Variants in NCOA4 observed in about 807,000 individuals in gnomAD.
NCOA4 encodes nuclear receptor coactivator 4, also known as 70 kDa AR-activator.
Under a neutral mutation model 69.5 loss-of-function variants are expected in NCOA4, and 31 were observed. The observed-to-expected ratio is 0.45, with a 90% CI of 0.34 to 0.60. The LOEUF (loss-of-function observed/expected upper bound fraction) is 0.60. NCOA4 is among the 20% of genes least tolerant of loss of function. NCOA4 has a pLI of 0.02. For missense variants in NCOA4, 600 were observed against 719.2 expected (o/e 0.83, Z 1.90); for synonymous variants, 228 against 252.4 (o/e 0.90, Z 0.92).
At chr10:46,016,065 T>C (rs1162371653) in intron 2 of NCOA4, among the ~76,000 whole-genome samples, 1 of 152,140 alleles carries the variant, frequency 6.6e-6, no homozygotes. Context: ...AACAACAAAA[T>C]ACTACTGGAA....
chr10:46,030,079 G>A (rs781844256), intron 1 of NCOA4, among the ~76,000 whole-genome samples: 1 of 152,190 alleles, frequency 6.6e-6, no homozygotes, highest in South Asian at 2.1e-4. Flanking sequence ...TTCTGTGCCC[G>A]TCCGGCAAAA....
rs376942359 is a variant in NCOA4, at chr10:46,009,498, A to G, written c.1752T>C (p.His584=). 65 of 1,611,388 alleles carry G rather than the reference A, an allele frequency of 4.0e-5. No homozygotes were observed. Among genetic ancestry groups the G allele is most frequent in the Non-Finnish European group, 5.0e-5 (59 of 1,179,278 alleles). Residue 584 remains histidine, a synonymous_variant, in exon 9 of 10, where the codon CAT becomes CAC. Coordinates refer to ENST00000581486, the MANE Select transcript of NCOA4 (RefSeq NM_001145263.2). ...GATCACAAACTGCAGGGAGGCCATA[A>G]TGGTCTGGGGGGAAGTTATGTTCCT... The part of the protein sequence containing the change: ...LQEEHNFPPD[H]YGLPAVCDLF...
chr10:46,006,712 AT>A, intron 9 of NCOA4, 115 bp from the exon 10 acceptor site: 2 of 970,372 alleles, frequency 2.1e-6, no homozygotes, highest in Non-Finnish European at 3.3e-6. Context: ...GTTACATTGT[AT>A]TTTTTACAAA....
Position 46,010,336 on chromosome 10 carries a change from T to A in NCOA4, c.1585A>T (p.Thr529Ser). The A allele has an allele frequency of 6.2e-7, 1 of 1,614,140 alleles. No homozygotes were observed. The highest frequency in any genetic ancestry group is 1.1e-5 in the South Asian group (1 of 91,086). ...GCTGTGTTAAAGGAACACCAGGAAG[T>A]ATTCATGGGGCTTTTAAACTTCTGT... is the stretch of plus-strand genomic sequence containing the variant. ...GKQKFKSPMNTSWCSFNTADW... is the reference protein window; with the variant it reads ...GKQKFKSPMNSSWCSFNTADW... The change falls in exon 8 of 10, where the codon ACT becomes TCT. Residue 529 changes from threonine (T) to serine (S), a missense_variant. Physicochemically the swap from Thr to Ser is moderately conservative, Grantham distance 58. Coordinates refer to ENST00000581486, the MANE Select transcript of NCOA4 (RefSeq NM_001145263.2).
At position 46,009,493 on chromosome 10, in the gene NCOA4, C is replaced by A. The variant is rs1590150372; in HGVS notation, c.1757G>T (p.Gly586Val). 6.2e-7 allele frequency: 1 copy of A among 1,611,264 alleles called. No individual in the cohort carries two copies. The highest frequency in any genetic ancestry group is 1.3e-5 in the African/African-American group (1 of 74,820). The change falls in exon 9 of 10, where the codon GGC (glycine) becomes GTC (valine). Residue 586 changes from glycine (G) to valine (V), a missense_variant. Coordinates refer to ENST00000581486, the MANE Select transcript of NCOA4 (RefSeq NM_001145263.2). ...EEHNFPPDHY[G>V]LPAVCDLFAC... ...AAAGAGATCACAAACTGCAGGGAGG[C>A]CATAATGGTCTGGGGGGAAGTTATG...
At chr10:46,007,494 T>G (rs1838900780) in intron 9 of NCOA4, among the ~76,000 whole-genome samples, 1 of 151,896 alleles carries the variant, frequency 6.6e-6, no homozygotes, top group African/African-American at 2.4e-5. Flanking sequence ...AGTAGTCATC[T>G]AGAACTGATA....
Position 46,016,672 on chromosome 10 carries a change from G to A in NCOA4, c.9C>T (p.Thr3=). Residue 3 remains threonine, a synonymous_variant, in exon 2 of 10, where the codon ACC becomes ACT. Transcript: ENST00000581486. MN[T]FQDQSGSSSN... ...TGGAGCTGCCACTCTGGTCTTGGAA[G>A]GTATTCATTCTCCTCACTGCTCCTT... The A allele has an allele frequency of 6.7e-7, 1 of 1,493,454 alleles. No homozygotes were observed. The highest frequency in any genetic ancestry group is 1.4e-5 in the South Asian group (1 of 70,410). The allele number at this position is 1,493,454 out of a possible 1,614,324, so 92.5% of individuals were successfully genotyped here.
In NCOA4 at chr10:46,030,600, G is replaced by A. The variant is rs1358757096; in HGVS notation, c.-89C>T. On this transcript the variant is annotated 5_prime_UTR_variant, in exon 1 of 10. Coordinates refer to ENST00000581486, the MANE Select transcript of NCOA4 (RefSeq NM_001145263.2). ...AGACACGGCCCCACACTAACCTACG[G>A]CCCAAAGGCAGAGTTCTCGCGACAA... is the stretch of plus-strand genomic sequence containing the variant. The A allele has an allele frequency of 6.6e-6, 1 of 152,418 alleles. No individual in the cohort carries two copies. Among genetic ancestry groups the A allele is most frequent in the African/African-American group, 2.4e-5 (1 of 41,568 alleles). The allele number at this position is 152,418 out of a possible 1,614,324, so 9.4% of individuals were successfully genotyped here.
At position 46,016,622 on chromosome 10, in the gene NCOA4, C is replaced by T; in HGVS notation, c.59G>A (p.Cys20Tyr). The change falls in exon 2 of 10, where the codon TGT becomes TAT. Residue 20 changes from cysteine to tyrosine, a missense_variant. Transcript: ENST00000581486. ...SSSNREPLLR[C>Y]SDARRDLELA... ...CTCCAAGTCCCTCCGTGCATCACTACACCTCAAAAGGGGTTCTCTATTACT... is the reference window on the plus strand; with the variant it reads ...CTCCAAGTCCCTCCGTGCATCACTATACCTCAAAAGGGGTTCTCTATTACT... The T allele has an allele frequency of 6.4e-7, 1 of 1,565,340 alleles. No individual in the cohort carries two copies. Among genetic ancestry groups the T allele is most frequent in the Non-Finnish European group, 8.7e-7 (1 of 1,149,402 alleles).
intron 6 of NCOA4, 43 bp downstream of exon 6, chr10:46,013,507 G>T: frequency 7.1e-7 from 1 of 1,408,250 alleles, no homozygotes; most frequent in Non-Finnish European, 1.0e-6. Flanking sequence ...GGAAGTATAA[G>T]CCAAGTAATG....
intron 1 of NCOA4, among the ~76,000 whole-genome samples, chr10:46,030,143 G>T (rs1343140193): frequency 1.3e-5 from 2 of 152,204 alleles, no homozygotes; most frequent in African/African-American, 4.8e-5. Flanking sequence ...CAGGAAACTT[G>T]GAGCTGTCAC....
intron 7 of NCOA4, 107 bp downstream of exon 7, chr10:46,012,776 T>G: frequency 8.7e-7 from 1 of 1,150,874 alleles, no homozygotes; most frequent in Non-Finnish European, 1.2e-6. Flanking sequence ...TAAATATGTT[T>G]CCAGACTGCA....
In NCOA4 at chr10:46,010,738, G is replaced by A. The variant is rs1554921132; in HGVS notation, c.1183C>T (p.Gln395Ter). The A allele has an allele frequency of 6.2e-7, 1 of 1,613,944 alleles. No individual in the cohort carries two copies. Among genetic ancestry groups the A allele is most frequent in the South Asian group, 1.1e-5 (1 of 91,080 alleles). The change falls in exon 8 of 10, where the codon CAG becomes TAG. Residue 395 changes from glutamine to a stop codon, truncating the protein, a stop_gained. Transcript: ENST00000581486. LOFTEE classifies it high-confidence loss of function. ...ACCTCCTCTACCTTACATGGGTCCT[G>A]ATGGTTCTGGACAAGCCAATCCTCT... ...VTEDWLVQNH[Q>*]DPCKVEEVCR...
intron 1 of NCOA4, chr10:46,022,533 T>C: frequency 2.3e-6 from 1 of 439,674 alleles, no homozygotes; most frequent in South Asian, 1.7e-5. Flanking sequence ...TGGCGCGATC[T>C]CACTGCAAGC....
intron 1 of NCOA4, among the ~76,000 whole-genome samples, chr10:46,017,805 A>G (rs532802327): frequency 3.3e-5 from 5 of 152,326 alleles, no homozygotes; most frequent in South Asian, 4.1e-4. Context: ...ACTGTAACAC[A>G]TGAGTGTCAG....
chr10:46,011,179 TG>T lies in NCOA4; in HGVS notation c.741del (p.Phe247LeufsTer8). The T allele has an allele frequency of 6.3e-7, 1 of 1,597,006 alleles. No individual in the cohort carries two copies. The highest frequency in any genetic ancestry group is 1.1e-5 in the South Asian group (1 of 88,146). ...SQTSSRACNF[F>X]NNVGGNLKGL... ...CCCTTTAGGTTTCCCCCGACATTAT[TG>T]AAGAAATTGCAGGCTCTGGAAGAAG... On this transcript the variant is annotated frameshift_variant, in exon 8 of 10. Coordinates refer to ENST00000581486, the MANE Select transcript of NCOA4 (RefSeq NM_001145263.2). LOFTEE classifies it high-confidence loss of function.
At chr10:46,012,715 T>C (rs782661837) in intron 7 of NCOA4, among the ~76,000 whole-genome samples, 168 bp downstream of exon 7, 1 of 152,158 alleles carries the variant, frequency 6.6e-6, no homozygotes. Context: ...AAATTTTCTA[T>C]GATAAAGAGT....
intron 1 of NCOA4, among the ~76,000 whole-genome samples, chr10:46,025,512 T>C (rs1840111993): frequency 6.6e-6 from 1 of 152,194 alleles, no homozygotes; most frequent in Non-Finnish European, 1.5e-5. Context: ...TCACTCTGAC[T>C]CTCCTGCTGT....
In NCOA4 at chr10:46,009,424, C is replaced by T. The variant is rs553213400; in HGVS notation, c.1826G>A (p.Arg609Gln). The T allele has an allele frequency of 7.4e-6, 12 of 1,611,864 alleles. No homozygotes were observed. In the East Asian group the frequency reaches 1.6e-4, roughly 21 times the overall value. ...LKVDKEKWLY[R>Q]TPLQM is the part of the protein sequence containing the mutation. The stretch of plus-strand genomic sequence containing the variant: ...GCATGTACCCACCTGTAGAGGAGTT[C>T]GATATAACCACTTCTCTTTATCAAC... The change falls in exon 9 of 10, where the codon CGA (arginine) becomes CAA (glutamine). Residue 609 changes from arginine (R) to glutamine (Q), a missense_variant. Coordinates refer to ENST00000581486, the MANE Select transcript of NCOA4 (RefSeq NM_001145263.2).
Sources: allele counts gnomAD v4.1 joint callset (sites outside exome capture counted in the v4.1 genomes callset), GRCh38; gene constraint gnomAD v4.1.1; transcripts MANE v1.5; gene names NCBI Gene and HGNC (gene_info 2026-07-23, HGNC 2026-07-21).